LRP2: variants seen among roughly 807,000 people sequenced by gnomAD.
The protein encoded by LRP2 is low-density lipoprotein receptor-related protein 2.
Under a neutral mutation model 531.0 loss-of-function variants are expected in LRP2, and 172 were observed. The ratio of observed to expected loss-of-function variants is 0.32; its 90% CI spans 0.29 to 0.37. LRP2 has a LOEUF of 0.37. LRP2 is among the 10% of genes least tolerant of loss of function. The pLI is 1.00. For missense variants in LRP2, 5,167 were observed against 5,868.3 expected, an observed-to-expected ratio of 0.88 and a Z score of 3.90; for synonymous variants, 1,992 against 2,027.6, an observed-to-expected ratio of 0.98 and a Z score of 0.47.
At chr2:169,311,586 C>A (rs1684599848) in intron 3 of LRP2, among the ~76,000 whole-genome samples, 1 of 152,092 alleles carries the variant, frequency 6.6e-6, no homozygotes, top group South Asian at 2.1e-4. Context: ...AATTTCTGTC[C>A]TTTTACATTT....
intron 77 of LRP2, among the ~76,000 whole-genome samples, chr2:169,129,521 C>T (rs1169902173): frequency 6.6e-6 from 1 of 152,206 alleles, no homozygotes; most frequent in Non-Finnish European, 1.5e-5. Flanking sequence ...TTGGTCAACT[C>T]AAGAGTATCC....
chr2:169,221,117 A>G (rs1270796905), intron 33 of LRP2, among the ~76,000 whole-genome samples: 1 of 152,204 alleles, frequency 6.6e-6, no homozygotes, highest in African/African-American at 2.4e-5. Flanking sequence ...AATCTGAGGC[A>G]AATAAATTCA....
At chr2:169,270,053 G>A (rs1304109233) in intron 16 of LRP2, among the ~76,000 whole-genome samples, 2 of 152,180 alleles carry the variant, frequency 1.3e-5, no homozygotes, top group Non-Finnish European at 2.9e-5. Flanking sequence ...AAATCACAAT[G>A]AGATACCATC....
Position 169,294,714 on chromosome 2 carries a change from T to C in LRP2, c.428-4A>G, listed in dbSNP as rs763525338. On this transcript the variant is annotated splice_polypyrimidine_tract_variant and splice_region_variant and intron_variant, in intron 4 of 78. Coordinates refer to ENST00000649046, the MANE Select transcript of LRP2 (RefSeq NM_004525.3). ...AGCTGCTCACATGTTGGGTACTCTA[T>C]TGTAAAAAAAAAAAAAAAAAAAAAA... The C allele has an allele frequency of 2.1e-5, 24 of 1,125,240 alleles. No individual in the cohort carries two copies. The Admixed American group carries it at 6.2e-4, about 29-fold the overall frequency. 69.7% of individuals were successfully genotyped at this position (1,125,240 alleles called of 1,614,324 possible).
At position 169,150,952 on chromosome 2, in the gene LRP2, A is replaced by G. The variant is rs1456323834; in HGVS notation, c.12536T>C (p.Leu4179Pro). 1 of 1,614,014 alleles carries G rather than the reference A, an allele frequency of 6.2e-7. No individual in the cohort carries two copies. The highest frequency in any genetic ancestry group is 8.5e-7 in the Non-Finnish European group (1 of 1,179,978). Residue 4179 changes from leucine (L) to proline (P), a missense_variant, in exon 68 of 79, where the codon CTG becomes CCG. Around this residue, in one of 6 missense-constraint regions of LRP2, gnomAD observed 564 missense variants for 747.7 expected, o/e 0.75. Transcript: ENST00000649046. ...TGGTTGGTCCAGGTCAGTGGAAATCAGCCACTTTCTGTACCTTCCATCAAG... is the reference window on the plus strand; with the variant it reads ...TGGTTGGTCCAGGTCAGTGGAAATCGGCCACTTTCTGTACCTTCCATCAAG... ...AKLDGRYRKW[L>P]ISTDLDQPAA...
chr2:169,196,080 A>G (rs763334829), intron 46 of LRP2, among the ~76,000 whole-genome samples: 2 of 152,210 alleles, frequency 1.3e-5, no homozygotes, highest in African/African-American at 2.4e-5. Flanking sequence ...AAAAGGCAGT[A>G]TGAAGACAAG....
chr2:169,321,105 T>C lies in LRP2; in HGVS notation c.80-221A>G, dbSNP rs80035787. 0.014 allele frequency among the ~76,000 whole-genome samples: 2,127 copies of C among 152,320 alleles called. 56 individuals carry two copies. The highest frequency in any genetic ancestry group is 0.048 in the African/African-American group (2,012 of 41,568). On this transcript the variant is annotated intron_variant, in intron 1 of 78. Transcript: ENST00000649046. ...TTCATACACAGTTGATTAGTGTGTA[T>C]CTTGATGGAACTCATTGGGAAAGCA...
intron 2 of LRP2, among the ~76,000 whole-genome samples, chr2:169,319,947 G>A (rs1393240802): frequency 6.6e-6 from 1 of 152,118 alleles, no homozygotes; most frequent in African/African-American, 2.4e-5. Context: ...GCCATAACAT[G>A]GCCAACAATT....
chr2:169,347,984 C>G (rs116772184), intron 1 of LRP2, among the ~76,000 whole-genome samples: 2,064 of 152,206 alleles, frequency 0.014, 52 homozygotes, highest in African/African-American at 0.047. Context: ...TCCACTTGCT[C>G]CAAATTATCC....
Position 169,246,974 on chromosome 2 carries a change from C to T in LRP2, c.2921G>A (p.Cys974Tyr). Residue 974 changes from cysteine to tyrosine, a missense_variant, in exon 21 of 79, where the codon TGT becomes TAT. By Grantham distance (194) the Cys-to-Tyr change is radical. Around this residue, in one of 6 missense-constraint regions of LRP2, gnomAD observed 2,811 missense variants for 3,058.0 expected, o/e 0.92. Transcript: ENST00000649046. ...ACCGTTAGGATGCGTGGGTTGATTA[C>T]AGGCGTTAGAACCTGCAAAAGCAAA... ...DVNIQTGSNA[C>Y]NQPTHPNGDC... is the part of the protein sequence containing the mutation. The T allele has an allele frequency of 6.2e-7, 1 of 1,614,140 alleles. No homozygotes were observed. The highest frequency in any genetic ancestry group is 8.5e-7 in the Non-Finnish European group (1 of 1,180,028).
Position 169,212,291 on chromosome 2 carries a change from A to T in LRP2, c.6041-84T>A, listed in dbSNP as rs905727977. 40 of 1,553,000 alleles carry T rather than the reference A, an allele frequency of 2.6e-5. No homozygotes were observed. The African/African-American group carries it at 5.4e-4, about 21-fold the overall frequency. Reference sequence around the variant, plus strand: ...CAAATTTCTTTAATTGGGTCACCAAATAATTTATTCTAAAAATTAATAACC... The same window carrying T: ...CAAATTTCTTTAATTGGGTCACCAATTAATTTATTCTAAAAATTAATAACC... On this transcript the variant is annotated intron_variant, in intron 36 of 78. Transcript: ENST00000649046.
chr2:169,195,975 C>T (rs1020391485), intron 46 of LRP2, among the ~76,000 whole-genome samples: 1 of 151,970 alleles, frequency 6.6e-6, no homozygotes, highest in African/African-American at 2.4e-5. Context: ...ATGATATATA[C>T]TATAGAGGAA....
intron 33 of LRP2, among the ~76,000 whole-genome samples, chr2:169,221,557 GA>G (rs2105354435): frequency 6.6e-6 from 1 of 152,298 alleles, no homozygotes; most frequent in South Asian, 2.1e-4. Context: ...CAATTAGTAA[GA>G]AATTAGAAAA....
chr2:169,298,193 AATCATCATC>A (rs3083159), intron 4 of LRP2, among the ~76,000 whole-genome samples: 88,657 of 150,330 alleles, frequency 0.59, 27,349 homozygotes, highest in Middle Eastern at 0.73. Flanking sequence ...TTAAACAAGC[AATCATCATC>A]ATCATCATCA....
intron 4 of LRP2, among the ~76,000 whole-genome samples, 188 bp from the exon 5 acceptor site, chr2:169,294,898 T>C (rs1574229547): frequency 4.2e-5 from 1 of 23,676 alleles, no homozygotes; most frequent in Admixed American, 2.8e-4. Flanking sequence ...CAGACATTAA[T>C]CAAATAAGAC....
intron 8 of LRP2, among the ~76,000 whole-genome samples, 174 bp downstream of exon 8, chr2:169,290,671 T>A (rs753063185): frequency 1.3e-5 from 2 of 152,156 alleles, no homozygotes; most frequent in Non-Finnish European, 2.9e-5. Context: ...CCAGAGGAAC[T>A]ACCTAGCCAA....
intron 63 of LRP2, among the ~76,000 whole-genome samples, chr2:169,160,909 A>G (rs899503891): frequency 6.6e-6 from 1 of 152,234 alleles, no homozygotes; most frequent in African/African-American, 2.4e-5. Context: ...AGCCAACTCA[A>G]TATGGCTGGT....
rs761391619 is a variant in LRP2 at position 169,259,158 on chromosome 2, T to A, written c.2380A>T (p.Ile794Phe). The A allele has an allele frequency of 6.2e-7, 1 of 1,613,366 alleles. No homozygotes were observed. Among genetic ancestry groups the A allele is most frequent in the South Asian group, 1.1e-5 (1 of 91,050 alleles). Residue 794 changes from isoleucine (I) to phenylalanine (F), a missense_variant, in exon 17 of 79, where the codon ATT becomes TTT. Transcript: ENST00000649046. ...ENVESLAFDW[I>F]SKNLYWTDSH... ...TCTGTCCAATAGAGATTCTTTGAAA[T>A]CCAATCAAAAGCCAAACTTTCAACA...
rs199627472 is a variant in LRP2 at position 169,241,311 on chromosome 2, C to A, written c.3722G>T (p.Gly1241Val). 1.0e-4 allele frequency: 168 copies of A among 1,614,156 alleles called. No homozygotes were observed. The highest frequency in any genetic ancestry group is 1.4e-4 in the Non-Finnish European group (160 of 1,180,018). ...TTCCCAGAAGTTCGGGATGCAGATACCATCTTCTTGGCACTGAAATTCATC... is the reference window on the plus strand; with the variant it reads ...TTCCCAGAAGTTCGGGATGCAGATAACATCTTCTTGGCACTGAAATTCATC... Reference protein sequence around the residue: ...HSDEFQCQEDGICIPNFWECD... With the variant: ...HSDEFQCQEDVICIPNFWECD... The change falls in exon 25 of 79, where the codon GGT becomes GTT. Residue 1241 changes from glycine to valine, a missense_variant. Transcript: ENST00000649046.
Sources: gnomAD v4.1 joint callset for allele counts (sites outside exome capture counted in the v4.1 genomes callset) on GRCh38, gnomAD v4.1.1 for gene constraint, gnomAD v4.1.1 regional missense constraint, MANE v1.5 for transcripts, NCBI Gene and HGNC (gene_info 2026-07-23, HGNC 2026-07-21) for gene names.